The following LPIN2 variants were observed in gnomAD, a reference collection of about 807,000 sequenced individuals.
LPIN2 encodes the protein phosphatidate phosphatase LPIN2.
LPIN2 carries 55 observed loss-of-function variants against 111.4 expected under a neutral mutation model. The ratio of observed to expected loss-of-function variants is 0.49; its 90% confidence interval spans 0.40 to 0.62. The LOEUF is 0.62. Ranked by LOEUF, LPIN2 falls within the 20% of genes least tolerant of loss-of-function variation. The pLI, the probability that LPIN2 is intolerant of heterozygous loss-of-function variation, is 0.00. For synonymous variants in LPIN2, 425 were observed against 414.0 expected (o/e 1.03, Z -0.32); for missense variants, 992 against 1,112.1 (o/e 0.89, Z 1.54).
chr18:2,969,084 C>T (rs1457016076), intron 1 of LPIN2, among the ~76,000 whole-genome samples: 1 of 152,188 alleles, frequency 6.6e-6, no homozygotes, highest in Non-Finnish European at 1.5e-5. Context: ...ACACTACTTA[C>T]TACCACACTG....
chr18:2,939,486 G>C lies in LPIN2; in HGVS notation c.816C>G (p.Ser272=). ...MEWTWGGFPE[S]TKVSKRERSD... ...GGCAAGTAAACCCTAGTACCTTGGT[G>C]GACTCTGGGAATCCGCCCCACGTCC... The change falls in exon 6 of 20, where the codon TCC becomes TCG. Residue 272 remains serine (S), a synonymous_variant. Coordinates refer to ENST00000677752, the MANE Select transcript of LPIN2 (RefSeq NM_001375808.2). 6.2e-7 allele frequency: 1 copy of C among 1,613,810 alleles called. No individual in the cohort carries two copies. Among genetic ancestry groups the C allele is most frequent in the South Asian group, 1.1e-5 (1 of 91,072 alleles).
intron 1 of LPIN2, among the ~76,000 whole-genome samples, chr18:2,968,925 G>C (rs144785157): frequency 6.4e-4 from 98 of 152,316 alleles, no homozygotes; most frequent in African/African-American, 2.3e-3. Flanking sequence ...ATTCAGGCAA[G>C]AGACTGCACA....
At chr18:3,000,520 T>C (rs943656610) in intron 1 of LPIN2, among the ~76,000 whole-genome samples, 5 of 152,204 alleles carry the variant, frequency 3.3e-5, no homozygotes, top group Non-Finnish European at 5.9e-5. Flanking sequence ...AAAATCACCA[T>C]ATGGGCACGA....
In LPIN2 at chr18:2,939,472, C is replaced by T. The variant is rs1229703486; in HGVS notation, c.822+8G>A. 2.5e-6 allele frequency: 4 copies of T among 1,613,374 alleles called. No individual in the cohort carries two copies. The highest frequency in any genetic ancestry group is 1.3e-5 in the African/African-American group (1 of 74,864). ...ACACACTTTCCACAGGCAAGTAAACCCTAGTACCTTGGTGGACTCTGGGAA... is the reference window on the plus strand; with the variant it reads ...ACACACTTTCCACAGGCAAGTAAACTCTAGTACCTTGGTGGACTCTGGGAA... On this transcript the variant is annotated splice_region_variant and intron_variant, in intron 6 of 19. Coordinates refer to ENST00000677752, the MANE Select transcript of LPIN2 (RefSeq NM_001375808.2).
chr18:3,003,749 A>G (rs1387214444), intron 1 of LPIN2, among the ~76,000 whole-genome samples: 2 of 152,246 alleles, frequency 1.3e-5, no homozygotes, highest in South Asian at 2.1e-4. Context: ...TGTTTGAACA[A>G]TATGAAATCA....
intron 2 of LPIN2, among the ~76,000 whole-genome samples, chr18:2,958,158 C>CAAAAAAAAAAAAAAAAAAAAAA (rs1555678271): frequency 8.5e-5 from 3 of 35,352 alleles, no homozygotes; most frequent in Non-Finnish European, 1.6e-4. Context: ...AAAAAAAAAA[C>CAAAAAAAAAAAAAAAAAAAAAA]AACAAAAAAA....
chr18:2,967,975 T>C (rs780068574), intron 1 of LPIN2, among the ~76,000 whole-genome samples: 11 of 152,182 alleles, frequency 7.2e-5, no homozygotes, highest in Non-Finnish European at 1.3e-4. Flanking sequence ...CCATGCGGTC[T>C]TCCTGAAGCT....
At chr18:2,941,193 T>C (rs944351662) in intron 4 of LPIN2, among the ~76,000 whole-genome samples, 1 of 152,210 alleles carries the variant, frequency 6.6e-6, no homozygotes, top group Non-Finnish European at 1.5e-5. Flanking sequence ...TGAAAATGTA[T>C]ATTAGCTGAA....
intron 19 of LPIN2, 51 bp downstream of exon 19, chr18:2,920,727 A>C (rs3737514): frequency 1.7e-5 from 24 of 1,383,264 alleles, no homozygotes; most frequent in Non-Finnish European, 2.5e-5. Flanking sequence ...TCTGTCCCCA[A>C]CTGTACCCCT....
chr18:2,918,393 C>T lies in LPIN2; in HGVS notation c.*1900G>A, dbSNP rs911869466. Reference sequence around the variant, plus strand: ...CCTACTATAAGCTCAGTTAAACACACAAAGCTCTCATTCTTCCTCTAAATA... The same window carrying T: ...CCTACTATAAGCTCAGTTAAACACATAAAGCTCTCATTCTTCCTCTAAATA... On this transcript the variant is annotated 3_prime_UTR_variant, in exon 20 of 20. Transcript: ENST00000677752. 1 of 152,208 alleles carries T rather than the reference C, an allele frequency of 6.6e-6. No individual in the cohort carries two copies. Among genetic ancestry groups the T allele is most frequent in the Non-Finnish European group, 1.5e-5 (1 of 68,050 alleles). The allele number at this position is 152,208 out of a possible 1,614,324, so 9.4% of individuals were successfully genotyped here.
intron 1 of LPIN2, among the ~76,000 whole-genome samples, chr18:3,004,539 G>A (rs1239738173): frequency 6.6e-6 from 1 of 152,124 alleles, no homozygotes; most frequent in Admixed American, 6.5e-5. Context: ...TTAACTTAAG[G>A]ATCCTTCTAC....
chr18:2,961,659 C>G (rs2077715946), intron 1 of LPIN2, among the ~76,000 whole-genome samples: 1 of 152,114 alleles, frequency 6.6e-6, no homozygotes, highest in African/African-American at 2.4e-5. Flanking sequence ...GGCCCCATCC[C>G]CAACTTTTCC....
intron 18 of LPIN2, chr18:2,921,271 A>G (rs1213160500): frequency 3.5e-6 from 2 of 579,690 alleles, no homozygotes; most frequent in Admixed American, 3.0e-5. Context: ...GAGGAGCCGG[A>G]GCTGCCTGAG....
At chr18:2,968,858 G>A (rs1187135276) in intron 1 of LPIN2, among the ~76,000 whole-genome samples, 1 of 152,156 alleles carries the variant, frequency 6.6e-6, no homozygotes, top group Non-Finnish European at 1.5e-5. Flanking sequence ...GGGGGAGGAT[G>A]AACTAGAGAA....
chr18:2,929,283 A>G, intron 9 of LPIN2, 125 bp from the exon 10 acceptor site: 1 of 696,152 alleles, frequency 1.4e-6, no homozygotes, highest in Non-Finnish European at 2.5e-6. Context: ...TAATTTTTGA[A>G]TATTCATCAA....
intron 4 of LPIN2, among the ~76,000 whole-genome samples, chr18:2,949,388 C>G (rs573028546): frequency 6.6e-6 from 1 of 152,256 alleles, no homozygotes; most frequent in East Asian, 1.9e-4. Context: ...TTTATTGATT[C>G]ATTCAGGATT....
Position 2,921,179 on chromosome 18 carries a change from C to A in LPIN2, c.2443-298G>T. Reference sequence around the variant, plus strand: ...GCCCGATGGCCCTGCAGAAGGGAGGCAGGTTGGGAAGTGCTAGCGAAGGGC... The same window carrying A: ...GCCCGATGGCCCTGCAGAAGGGAGGAAGGTTGGGAAGTGCTAGCGAAGGGC... On this transcript the variant is annotated intron_variant, in intron 18 of 19. Coordinates refer to ENST00000677752, the MANE Select transcript of LPIN2 (RefSeq NM_001375808.2). 5.4e-6 allele frequency: 3 copies of A among 552,170 alleles called. No individual in the cohort carries two copies. In the South Asian group the frequency reaches 6.1e-5, roughly 11 times the overall value. 34.2% of individuals were successfully genotyped at this position (552,170 alleles called of 1,614,324 possible). A position where few individuals can be genotyped will look rare whatever the true frequency, so the allele number is the denominator to read the frequency against.
intron 1 of LPIN2, among the ~76,000 whole-genome samples, chr18:2,995,692 C>T (rs1200822483): frequency 1.3e-5 from 2 of 152,180 alleles, no homozygotes; most frequent in South Asian, 4.1e-4. Context: ...ATCTGACATG[C>T]GTGGTTCATC....
chr18:2,946,610 G>T, intron 4 of LPIN2: 1 of 798,660 alleles, frequency 1.3e-6, no homozygotes, highest in South Asian at 1.4e-5. Flanking sequence ...ATCCCGTGTT[G>T]CTAGCACCAG....
Sources: gnomAD v4.1 joint callset for allele counts (sites outside exome capture counted in the v4.1 genomes callset) on GRCh38, gnomAD v4.1.1 for gene constraint, MANE v1.5 for transcripts, NCBI Gene and HGNC (gene_info 2026-07-23, HGNC 2026-07-21) for gene names.